AGPS: variants seen among roughly 807,000 people sequenced by gnomAD.
The protein encoded by AGPS is alkylglycerone phosphate synthase.
A neutral mutation model predicts 90.7 loss-of-function variants in AGPS; 26 were observed. The ratio of observed to expected loss-of-function variants is 0.29; its 90% CI spans 0.21 to 0.40. The LOEUF is 0.40. Among genes scored for constraint, AGPS ranks in the 10% least tolerant of loss-of-function variants. AGPS has a pLI of 1.00. For missense variants in AGPS, 540 were observed against 816.1 expected, an observed-to-expected ratio of 0.66 and a Z score of 4.12; for synonymous variants, 294 against 285.3, an observed-to-expected ratio of 1.03 and a Z score of -0.31.
chr2:177,479,392 A>C (rs1246517082), intron 10 of AGPS, among the ~76,000 whole-genome samples: 1 of 152,202 alleles, frequency 6.6e-6, no homozygotes, highest in Non-Finnish European at 1.5e-5. Context: ...ATAGGATCAA[A>C]ATTTTTTCTG....
intron 9 of AGPS, among the ~76,000 whole-genome samples, chr2:177,466,712 C>T (rs535714294): frequency 2.3e-4 from 35 of 152,372 alleles, no homozygotes; most frequent in South Asian, 1.2e-3. Flanking sequence ...TGCAACAGCA[C>T]GCAGGCTCGG....
At chr2:177,480,025 A>G (rs1464027488) in intron 10 of AGPS, among the ~76,000 whole-genome samples, 1 of 152,170 alleles carries the variant, frequency 6.6e-6, no homozygotes, top group African/African-American at 2.4e-5. Context: ...TACTAAAAAT[A>G]CAAAATTAGC....
At chr2:177,414,209 C>G (rs1685720551) in intron 1 of AGPS, among the ~76,000 whole-genome samples, 1 of 151,798 alleles carries the variant, frequency 6.6e-6, no homozygotes, top group South Asian at 2.1e-4. Flanking sequence ...TAAAAGGTTT[C>G]TTTCTTTTCT....
chr2:177,477,158 C>A (rs568631940), intron 10 of AGPS, among the ~76,000 whole-genome samples: 2 of 151,984 alleles, frequency 1.3e-5, no homozygotes, highest in Admixed American at 1.3e-4. Context: ...TTGGTATGGT[C>A]GGATTTATGT....
chr2:177,494,662 A>T (rs1243117771), intron 12 of AGPS, among the ~76,000 whole-genome samples: 1 of 152,150 alleles, frequency 6.6e-6, no homozygotes. Context: ...TCATTACTAT[A>T]CCTGAAAACA....
At chr2:177,398,010 CG>C (rs1317334191) in intron 1 of AGPS, among the ~76,000 whole-genome samples, 3 of 152,028 alleles carry the variant, frequency 2.0e-5, no homozygotes, top group Non-Finnish European at 4.4e-5. Context: ...CCAGGCTGGA[CG>C]ACAGGGCGAG....
At chr2:177,435,976 A>G (rs1686397208) in intron 3 of AGPS, among the ~76,000 whole-genome samples, 2 of 152,098 alleles carry the variant, frequency 1.3e-5, no homozygotes, top group Admixed American at 1.3e-4. Context: ...TTAACTTTGA[A>G]GTTGAAGATT....
intron 10 of AGPS, among the ~76,000 whole-genome samples, chr2:177,470,461 T>C (rs1414415526): frequency 6.6e-6 from 1 of 152,110 alleles, no homozygotes; most frequent in Non-Finnish European, 1.5e-5. Context: ...CCCAGCACTT[T>C]GCAAGGCTGA....
intron 16 of AGPS, among the ~76,000 whole-genome samples, chr2:177,509,240 A>G (rs1179186883): frequency 1.3e-5 from 2 of 151,994 alleles, no homozygotes; most frequent in Admixed American, 6.6e-5. Flanking sequence ...GTCATTCACA[A>G]TTTTTTTTAT....
At chr2:177,509,426 G>A (rs1311615769) in intron 16 of AGPS, among the ~76,000 whole-genome samples, 1 of 152,112 alleles carries the variant, frequency 6.6e-6, no homozygotes, top group Admixed American at 6.5e-5. Context: ...CAGGACTTTG[G>A]GAGGCCGAGA....
rs997870188 is a variant in AGPS, at chr2:177,463,426, T to A, written c.996+1408T>A. ...CTTATCGTCAATATTTTCATAGTAG[T>A]TTAAAAGAACTTTAATTTGAGACTA... On this transcript the variant is annotated intron_variant, in intron 9 of 19. Transcript: ENST00000264167. Among the ~76,000 whole-genome samples the A allele has an allele frequency of 2.6e-5, 4 of 152,316 alleles. No homozygotes were observed. In the East Asian group the frequency reaches 7.7e-4, roughly 29 times the overall value.
At chr2:177,515,127 G>A (rs1214634137) in intron 17 of AGPS, among the ~76,000 whole-genome samples, 1 of 151,380 alleles carries the variant, frequency 6.6e-6, no homozygotes, top group African/African-American at 2.4e-5. Flanking sequence ...TCGACATAGT[G>A]GGTGTAAGAA....
chr2:177,450,098 A>G lies in AGPS; in HGVS notation c.870+4472A>G, dbSNP rs191848281. On this transcript the variant is annotated intron_variant, in intron 8 of 19. Coordinates refer to ENST00000264167, the MANE Select transcript of AGPS (RefSeq NM_003659.4). Reference sequence around the variant, plus strand: ...GTGATCCATCTACCTCGGCCTCCCAAAGTGCTAGGATTACAGGTGTCAGCC... The same window carrying G: ...GTGATCCATCTACCTCGGCCTCCCAGAGTGCTAGGATTACAGGTGTCAGCC... 3.0e-3 allele frequency among the ~76,000 whole-genome samples: 450 copies of G among 152,212 alleles called. 2 individuals carry two copies. The highest frequency in any genetic ancestry group is 5.1e-3 in the Non-Finnish European group (349 of 68,004).
At chr2:177,517,695 G>A (rs1689060890) in intron 17 of AGPS, among the ~76,000 whole-genome samples, 1 of 151,898 alleles carries the variant, frequency 6.6e-6, no homozygotes, top group East Asian at 1.9e-4. Context: ...AAATAGTATT[G>A]TACAAATATT....
intron 2 of AGPS, among the ~76,000 whole-genome samples, chr2:177,427,831 A>G (rs1686125780): frequency 6.6e-6 from 1 of 152,146 alleles, no homozygotes; most frequent in African/African-American, 2.4e-5. Flanking sequence ...GGTTCTGTAG[A>G]TGTCTATCAA....
At chr2:177,534,715 T>G (rs1574039712) in intron 19 of AGPS, among the ~76,000 whole-genome samples, 1 of 151,908 alleles carries the variant, frequency 6.6e-6, no homozygotes, top group East Asian at 1.9e-4. Context: ...ATCTCCTGAG[T>G]AGCTGAGACT....
chr2:177,479,528 T>C (rs139835631), intron 10 of AGPS, among the ~76,000 whole-genome samples: 1 of 152,330 alleles, frequency 6.6e-6, no homozygotes, highest in Admixed American at 6.5e-5. Flanking sequence ...CATATGTTCA[T>C]CAACTGATGA....
chr2:177,518,301 T>C (rs916597967), intron 17 of AGPS, among the ~76,000 whole-genome samples: 2 of 152,030 alleles, frequency 1.3e-5, no homozygotes, highest in Non-Finnish European at 2.9e-5. Flanking sequence ...CCAGGTGTGG[T>C]GGCAGGCGCC....
Position 177,392,939 on chromosome 2 carries a change from G to C in AGPS, c.150G>C (p.Arg50=). The part of the protein sequence containing the change: ...VLSGHLLGRP[R]EALSTNECKA... ...CTGGCCATCTGCTGGGCCGGCCCCG[G>C]GAGGCTCTGAGTACCAATGAGTGCA... Residue 50 remains arginine (R), a synonymous_variant, in exon 1 of 20, where the codon CGG becomes CGC. Transcript: ENST00000264167. The C allele has an allele frequency of 6.5e-7, 1 of 1,550,104 alleles. No homozygotes were observed. Among genetic ancestry groups the C allele is most frequent in the Non-Finnish European group, 8.7e-7 (1 of 1,146,726 alleles).
Sources: allele counts gnomAD v4.1 joint callset (sites outside exome capture counted in the v4.1 genomes callset), GRCh38; gene constraint gnomAD v4.1.1; transcripts MANE v1.5; gene names NCBI Gene and HGNC (gene_info 2026-07-23, HGNC 2026-07-21).